PRSS23: variants seen among roughly 807,000 people sequenced by gnomAD.
PRSS23 encodes the protein serine protease 23, also known as protease, serine 23.
Under a neutral mutation model 34.7 loss-of-function variants are expected in PRSS23, and 25 were observed. The observed-to-expected ratio is 0.72, with a 90% CI of 0.53 to 1.01. The LOEUF (loss-of-function observed/expected upper bound fraction) is 1.01, where lower values mean the gene tolerates loss of function less well. PRSS23 is among the 50% of genes least tolerant of loss of function. PRSS23 has a pLI of 0.00. For synonymous variants in PRSS23, 176 were observed against 186.6 expected, an observed-to-expected ratio of 0.94 and a Z score of 0.46; for missense variants, 445 against 475.6, an observed-to-expected ratio of 0.94 and a Z score of 0.60.
At chr11:86,886,945 AAAAT>A (rs915237127) in intron 2 of PRSS23, among the ~76,000 whole-genome samples, 5 of 152,226 alleles carry the variant, frequency 3.3e-5, no homozygotes, top group South Asian at 4.1e-4. Flanking sequence ...TCCATCTAAA[AAAAT>A]AAATAAATAA....
At chr11:86,873,180 A>G (rs1948696591) in intron 2 of PRSS23, among the ~76,000 whole-genome samples, 1 of 131,758 alleles carries the variant, frequency 7.6e-6, no homozygotes, top group African/African-American at 3.1e-5. Flanking sequence ...ACAGGAAATT[A>G]TATATATACA....
intron 2 of PRSS23, among the ~76,000 whole-genome samples, chr11:86,914,655 A>G (rs1232870537): frequency 6.6e-6 from 1 of 152,248 alleles, no homozygotes; most frequent in African/African-American, 2.4e-5. Flanking sequence ...ACAGTTGGAA[A>G]AAAGGATTAT....
chr11:86,829,770 C>T (rs1271328231), intron 2 of PRSS23, among the ~76,000 whole-genome samples: 2 of 152,224 alleles, frequency 1.3e-5, no homozygotes, highest in African/African-American at 2.4e-5. Context: ...CCCTGTTTGC[C>T]TGGGTACCAG....
Position 86,808,236 on chromosome 11 carries a change from A to C in PRSS23, c.593A>C (p.Lys198Thr), listed in dbSNP as rs747536133. The C allele has an allele frequency of 5.6e-5, 91 of 1,614,166 alleles. No individual in the cohort carries two copies. The East Asian group carries it at 1.0e-3, about 19-fold the overall frequency. ...QKLRVGFLKP[K>T]FKDGGRGAND... ...CTTCGAGTGGGCTTCCTAAAGCCCAAGTTTAAAGATGGTGGTCGAGGGGCC... is the reference window on the plus strand; with the variant it reads ...CTTCGAGTGGGCTTCCTAAAGCCCACGTTTAAAGATGGTGGTCGAGGGGCC... The change falls in exon 2 of 2, where the codon AAG becomes ACG. Residue 198 changes from lysine (K) to threonine (T), a missense_variant. Coordinates refer to ENST00000280258, the MANE Select transcript of PRSS23 (RefSeq NM_007173.6).
At chr11:86,824,031 A>G in intron 2 of PRSS23, among the ~76,000 whole-genome samples, 1 of 147,016 alleles carries the variant, frequency 6.8e-6, no homozygotes, top group East Asian at 2.0e-4. Context: ...AAAAAAAAAA[A>G]GAATTCAGAG....
intron 1 of PRSS23, among the ~76,000 whole-genome samples, chr11:86,822,990 C>A (rs1379879313): frequency 6.6e-6 from 1 of 152,182 alleles, no homozygotes; most frequent in Non-Finnish European, 1.5e-5. Flanking sequence ...ACACTGGTTA[C>A]AGCTGAACTG....
chr11:86,843,960 C>A (rs942884774), intron 2 of PRSS23, among the ~76,000 whole-genome samples: 9 of 152,158 alleles, frequency 5.9e-5, no homozygotes, highest in African/African-American at 2.2e-4. Flanking sequence ...AAGACACATG[C>A]CCACGAATGT....
At chr11:86,804,832 A>G (rs1289365478) in intron 1 of PRSS23, among the ~76,000 whole-genome samples, 1 of 152,212 alleles carries the variant, frequency 6.6e-6, no homozygotes, top group Non-Finnish European at 1.5e-5. Context: ...GGCTCATGAA[A>G]GAGGATATTG....
At chr11:86,854,599 A>G (rs1820811671) in intron 2 of PRSS23, among the ~76,000 whole-genome samples, 1 of 152,160 alleles carries the variant, frequency 6.6e-6, no homozygotes, top group Non-Finnish European at 1.5e-5. Flanking sequence ...CTCTGATGTC[A>G]TAAAGGTTTT....
At chr11:86,848,103 A>G (rs1948501195) in intron 2 of PRSS23, among the ~76,000 whole-genome samples, 1 of 152,246 alleles carries the variant, frequency 6.6e-6, no homozygotes, top group Admixed American at 6.5e-5. Context: ...ATTCACATGC[A>G]TGCCCCCTTC....
intron 2 of PRSS23, among the ~76,000 whole-genome samples, chr11:86,890,729 A>G (rs749092368): frequency 1.4e-4 from 21 of 151,972 alleles, no homozygotes; most frequent in Non-Finnish European, 2.7e-4. Context: ...TGAAAATGCT[A>G]TATAAACTGC....
chr11:86,950,920 TCTAA>T (rs2135039179), intron 2 of PRSS23: 1 of 608,470 alleles, frequency 1.6e-6, no homozygotes, highest in East Asian at 2.8e-5. Flanking sequence ...TTTGAAAGCC[TCTAA>T]CTGGCTTTTC....
intron 2 of PRSS23, among the ~76,000 whole-genome samples, chr11:86,827,705 G>A (rs921627038): frequency 4.3e-4 from 65 of 152,150 alleles, no homozygotes; most frequent in East Asian, 3.1e-3. Context: ...CTTTGTTCTC[G>A]TTGGTTTCAA....
At chr11:86,951,602 T>C (rs1168961468) in exon 3 of PRSS23, 1 of 1,614,144 alleles carries the variant, frequency 6.2e-7, no homozygotes. Flanking sequence ...GGTGAGGGCA[T>C]CGAGATTTTG....
At chr11:86,834,482 T>A (rs370820933) in intron 2 of PRSS23, among the ~76,000 whole-genome samples, 1 of 152,082 alleles carries the variant, frequency 6.6e-6, no homozygotes, top group Non-Finnish European at 1.5e-5. Flanking sequence ...TTGGCTTCAA[T>A]ATCTGCTTGG....
At chr11:86,833,494 C>G in intron 2 of PRSS23, 1 of 319,780 alleles carries the variant, frequency 3.1e-6, no homozygotes, top group Non-Finnish European at 5.9e-6. Context: ...TATATATTTA[C>G]TGTTGCAAGA....
At chr11:86,826,802 T>C (rs545531443) in intron 2 of PRSS23, among the ~76,000 whole-genome samples, 10 of 152,358 alleles carry the variant, frequency 6.6e-5, no homozygotes, top group African/African-American at 2.4e-4. Context: ...CATTTATTGA[T>C]TTGCGTATAC....
intron 2 of PRSS23, chr11:86,933,473 G>A (rs992911875): frequency 3.9e-5 from 6 of 152,234 alleles, no homozygotes; most frequent in African/African-American, 1.4e-4. Flanking sequence ...CGTGGGAATA[G>A]GGTAAGAGAA....
intron 2 of PRSS23, among the ~76,000 whole-genome samples, chr11:86,849,308 G>T (rs955403790): frequency 3.9e-5 from 6 of 152,186 alleles, no homozygotes; most frequent in African/African-American, 1.4e-4. Context: ...CTCTTCACAT[G>T]CCTTTCTTGT....
Sources: gnomAD v4.1 joint callset for allele counts (sites outside exome capture counted in the v4.1 genomes callset) on GRCh38, gnomAD v4.1.1 for gene constraint, MANE v1.5 for transcripts, NCBI Gene and HGNC (gene_info 2026-07-23, HGNC 2026-07-21) for gene names.